Variants in RIN2 observed in about 807,000 individuals in gnomAD.
RIN2 encodes the protein Ras and Rab interactor 2, also known as RAB5 interacting protein 2.
A neutral mutation model predicts 78.0 loss-of-function variants in RIN2; 36 were observed. The ratio of observed to expected loss-of-function variants is 0.46; its 90% confidence interval spans 0.35 to 0.61. RIN2 has a LOEUF of 0.61. Ranked by LOEUF, RIN2 falls within the 20% of genes least tolerant of loss-of-function variation. The probability of loss-of-function intolerance (pLI) is 0.00; values close to 1 mark genes in which losing one functional copy is unlikely to be tolerated. For synonymous variants in RIN2, 466 were observed against 466.8 expected (o/e 1.00, Z 0.02); for missense variants, 1,087 against 1,159.7 (o/e 0.94, Z 0.91).
At chr20:19,935,238 G>A (rs1213890452) in intron 4 of RIN2, 39 bp downstream of exon 4, 1 of 1,528,118 alleles carries the variant, frequency 6.5e-7, no homozygotes, top group Non-Finnish European at 8.9e-7. Context: ...TGCGAGAAAG[G>A]GATCGAGTGA....
intron 2 of RIN2, among the ~76,000 whole-genome samples, chr20:19,839,041 G>T (rs571418157): frequency 6.6e-6 from 1 of 152,294 alleles, no homozygotes; most frequent in South Asian, 2.1e-4. Flanking sequence ...ACTGTTGGGT[G>T]AGATTGTTTC....
At chr20:19,813,480 C>A (rs180706061) in intron 2 of RIN2, among the ~76,000 whole-genome samples, 1 of 152,194 alleles carries the variant, frequency 6.6e-6, no homozygotes, top group Non-Finnish European at 1.5e-5. Context: ...ACAAAAGAGG[C>A]AGAGTACTTT....
At chr20:19,928,521 A>T (rs1411140491) in intron 3 of RIN2, among the ~76,000 whole-genome samples, 2 of 152,208 alleles carry the variant, frequency 1.3e-5, no homozygotes, top group Non-Finnish European at 2.9e-5. Context: ...CAGAATGATT[A>T]CAAAATGGTA....
At chr20:19,777,379 G>A (rs2034347101) in intron 1 of RIN2, among the ~76,000 whole-genome samples, 1 of 152,268 alleles carries the variant, frequency 6.6e-6, no homozygotes, top group African/African-American at 2.4e-5. Context: ...TAGCCCCAAT[G>A]TCTCTTACAA....
chr20:19,818,378 T>G (rs2035829249), intron 2 of RIN2, among the ~76,000 whole-genome samples: 1 of 152,190 alleles, frequency 6.6e-6, no homozygotes, highest in South Asian at 2.1e-4. Flanking sequence ...GGCAAGAGTG[T>G]GAAGTCATGG....
chr20:19,832,077 G>A (rs2123006146), intron 2 of RIN2, among the ~76,000 whole-genome samples: 1 of 152,076 alleles, frequency 6.6e-6, no homozygotes, highest in East Asian at 1.9e-4. Flanking sequence ...ACTGTGTGGT[G>A]GTGAGAATGT....
At chr20:19,875,082 A>C (rs2037814066) in intron 2 of RIN2, among the ~76,000 whole-genome samples, 1 of 151,466 alleles carries the variant, frequency 6.6e-6, no homozygotes, top group Admixed American at 6.6e-5. Context: ...GCTGGTCTCC[A>C]ACTCCTGACT....
intron 2 of RIN2, among the ~76,000 whole-genome samples, chr20:19,867,890 T>C (rs2037557706): frequency 6.6e-6 from 1 of 152,262 alleles, no homozygotes; most frequent in Non-Finnish European, 1.5e-5. Flanking sequence ...CTGAAAATGC[T>C]GTGCAGCTGG....
At chr20:19,815,373 G>A (rs1374005165) in intron 2 of RIN2, among the ~76,000 whole-genome samples, 1 of 152,110 alleles carries the variant, frequency 6.6e-6, no homozygotes, top group Non-Finnish European at 1.5e-5. Context: ...GTTATACATA[G>A]GAATCTTTGA....
At chr20:19,783,052 T>G (rs1014989548) in intron 1 of RIN2, among the ~76,000 whole-genome samples, 1 of 152,180 alleles carries the variant, frequency 6.6e-6, no homozygotes, top group Non-Finnish European at 1.5e-5. Context: ...CCGCCTATGG[T>G]CAGTGGTGGG....
intron 6 of RIN2, among the ~76,000 whole-genome samples, chr20:19,964,215 G>C (rs145788231): frequency 2.0e-5 from 3 of 151,510 alleles, no homozygotes; most frequent in Admixed American, 6.6e-5. Context: ...AGGGGTGGAG[G>C]GGGGAACAAC....
intron 9 of RIN2, among the ~76,000 whole-genome samples, chr20:19,980,043 T>TAAAA (rs2042395899): frequency 3.9e-5 from 1 of 25,562 alleles, no homozygotes; most frequent in Non-Finnish European, 8.1e-5. Context: ...AAACTCCATC[T>TAAAA]CAAAAAAAAA....
At position 19,924,991 on chromosome 20, in the gene RIN2, G is replaced by A. The variant is rs1031795617; in HGVS notation, c.58-10108G>A. Among the ~76,000 whole-genome samples the A allele has an allele frequency of 7.3e-5, 11 of 150,824 alleles. No individual in the cohort carries two copies. The East Asian group carries it at 1.6e-3, about 22-fold the overall frequency. On this transcript the variant is annotated intron_variant, in intron 3 of 12. Coordinates refer to ENST00000255006, the MANE Select transcript of RIN2 (RefSeq NM_018993.4). ...CGACCTCAGGTGATCCACCCGCCTC[G>A]GCCTCCCAAAGTGCTGGGATTACAG...
intron 12 of RIN2, among the ~76,000 whole-genome samples, chr20:19,999,240 T>A (rs1414343277): frequency 6.6e-6 from 1 of 151,942 alleles, no homozygotes; most frequent in Non-Finnish European, 1.5e-5. Flanking sequence ...CCTCAGTTTC[T>A]GCACTAGTCA....
intron 2 of RIN2, among the ~76,000 whole-genome samples, chr20:19,861,400 C>T (rs962460470): frequency 2.6e-5 from 4 of 152,230 alleles, no homozygotes; most frequent in Admixed American, 2.6e-4. Context: ...TAGTCAGGCT[C>T]CTGAACCTCC....
rs555805677 is a variant in RIN2 at position 20,000,899 on chromosome 20, T to C, written c.2651T>C (p.Ile884Thr). 8.7e-6 allele frequency: 14 copies of C among 1,613,154 alleles called. No homozygotes were observed. The African/African-American group carries it at 1.2e-4, about 14-fold the overall frequency. The change falls in exon 13 of 13, where the codon ATT (isoleucine) becomes ACT (threonine). Residue 884 changes from isoleucine (I) to threonine (T), a missense_variant. By Grantham distance (89) the Ile-to-Thr change is moderately conservative. Transcript: ENST00000255006. ...KRIKNDPYGI[I>T]FQNGEEDLTT... The stretch of plus-strand genomic sequence containing the variant: ...ATCAAGAACGATCCTTATGGCATCA[T>C]TTTCCAGAACGGGGAAGAAGACCTC...
chr20:19,984,244 A>G (rs2042557773), intron 9 of RIN2, among the ~76,000 whole-genome samples: 1 of 152,146 alleles, frequency 6.6e-6, no homozygotes, highest in African/African-American at 2.4e-5. Flanking sequence ...TGAGAAGTGC[A>G]CTGTTAGAGA....
Position 19,971,735 on chromosome 20 carries a change from A to ATTTTTTTTTT in RIN2, c.628+821_628+830dup, listed in dbSNP as rs61019165. On this transcript the variant is annotated intron_variant, in intron 8 of 12. Coordinates refer to ENST00000255006, the MANE Select transcript of RIN2 (RefSeq NM_018993.4). ...TGAATTCCCTTCTGCTGAAACTGCAATTTTTTTTTTTTTTTTTTTTTTTTG... is the reference window on the plus strand; with the variant it reads ...TGAATTCCCTTCTGCTGAAACTGCAATTTTTTTTTTTTTTTTTTTTTTTTTTTTTTTTTTG... Among the ~76,000 whole-genome samples the ATTTTTTTTTT allele has an allele frequency of 7.2e-4, 66 of 91,526 alleles. 13 individuals carry two copies. The highest frequency in any genetic ancestry group is 2.9e-3 in the African/African-American group (59 of 20,140). 60.0% of individuals were successfully genotyped at this position (91,526 alleles called of 152,430 possible). A position where few individuals can be genotyped will look rare whatever the true frequency, so the allele number is the denominator to read the frequency against.
At position 19,965,004 on chromosome 20, in the gene RIN2, T is replaced by C. The variant is rs2041891845; in HGVS notation, c.516T>C (p.Ile172=). The change falls in exon 7 of 13, where the codon ATT becomes ATC. Residue 172 remains isoleucine (I), a synonymous_variant. Transcript: ENST00000255006. Reference sequence around the variant, plus strand: ...GTTTCGCAGATTTATTCCGGCTCATTGCTTTCTACTGCATCAGCAGGTAAG... The same window carrying C: ...GTTTCGCAGATTTATTCCGGCTCATCGCTTTCTACTGCATCAGCAGGTAAG... ...GISFADLFRL[I]AFYCISRDVL... The C allele has an allele frequency of 6.2e-7, 1 of 1,613,412 alleles. No individual in the cohort carries two copies. Among genetic ancestry groups the C allele is most frequent in the East Asian group, 2.2e-5 (1 of 44,888 alleles).
Sources: allele counts gnomAD v4.1 joint callset (sites outside exome capture counted in the v4.1 genomes callset), GRCh38; gene constraint gnomAD v4.1.1; transcripts MANE v1.5; gene names NCBI Gene and HGNC (gene_info 2026-07-23, HGNC 2026-07-21).